The following SLC12A8 variants were observed in gnomAD, a reference collection of about 807,000 sequenced individuals.
The protein encoded by SLC12A8 is cation-chloride cotransporter 9.
In SLC12A8, 69 loss-of-function variants were observed where a neutral mutation model predicts 75.6. The ratio of observed to expected loss-of-function variants is 0.91; its 90% CI spans 0.75 to 1.11. The LOEUF (loss-of-function observed/expected upper bound fraction) is 1.11. SLC12A8 is among the 50% of genes most tolerant of loss of function. The pLI is 0.00. For synonymous variants in SLC12A8, 365 were observed against 372.8 expected (o/e 0.98, Z 0.24); for missense variants, 877 against 896.7 (o/e 0.98, Z 0.28).
intron 5 of SLC12A8, among the ~76,000 whole-genome samples, chr3:125,141,043 T>C (rs890767287): frequency 3.9e-5 from 6 of 152,184 alleles, no homozygotes; most frequent in Admixed American, 2.6e-4. Context: ...GCATGGGGCC[T>C]GCAGCTGCTG....
chr3:125,088,860 G>T (rs982799802), intron 12 of SLC12A8, among the ~76,000 whole-genome samples: 1 of 152,124 alleles, frequency 6.6e-6, no homozygotes, highest in African/African-American at 2.4e-5. Flanking sequence ...GAATCAAATA[G>T]TTCCACATGT....
rs545517725 is a variant in SLC12A8 at position 125,098,444 on chromosome 3, C to T, written c.1706-6246G>A. Among the ~76,000 whole-genome samples the T allele has an allele frequency of 4.6e-5, 7 of 152,006 alleles. No individual in the cohort carries two copies. The East Asian group carries it at 1.4e-3, about 29-fold the overall frequency. On this transcript the variant is annotated intron_variant, in intron 10 of 13. Transcript: ENST00000469902. ...CTCAAATAGACTTACTAAGTCAGGGCAATTAAACAGTTTTGTGTTTCTTGT... is the reference window on the plus strand; with the variant it reads ...CTCAAATAGACTTACTAAGTCAGGGTAATTAAACAGTTTTGTGTTTCTTGT...
At chr3:125,122,340 T>TTTG (rs1220748021) in intron 6 of SLC12A8, among the ~76,000 whole-genome samples, 1 of 152,200 alleles carries the variant, frequency 6.6e-6, no homozygotes, top group Non-Finnish European at 1.5e-5. Flanking sequence ...CTTTTAAGGT[T>TTTG]TTGTTGTTGT....
chr3:125,161,558 T>C (rs958330707), intron 5 of SLC12A8, among the ~76,000 whole-genome samples: 4 of 152,110 alleles, frequency 2.6e-5, no homozygotes, highest in Admixed American at 1.3e-4. Flanking sequence ...CTCTCAAACC[T>C]GCACAGTCGG....
At chr3:125,155,750 C>CAA (rs1159877630) in intron 5 of SLC12A8, among the ~76,000 whole-genome samples, 1,204 of 69,348 alleles carry the variant, frequency 0.017, 32 homozygotes, top group African/African-American at 0.057. Flanking sequence ...GACTCTGTCT[C>CAA]AAAAAAAAAA....
At chr3:125,088,541 C>G (rs929499941) in intron 12 of SLC12A8, among the ~76,000 whole-genome samples, 171 bp from the exon 13 acceptor site, 5 of 152,190 alleles carry the variant, frequency 3.3e-5, no homozygotes, top group African/African-American at 1.2e-4. Flanking sequence ...TCTTCCATGA[C>G]AGCAGCCTAC....
intron 6 of SLC12A8, among the ~76,000 whole-genome samples, chr3:125,125,573 TA>T (rs1201208283): frequency 6.6e-6 from 1 of 151,980 alleles, no homozygotes; most frequent in Non-Finnish European, 1.5e-5. Context: ...ACAATAAAAA[TA>T]AAAAATAAAA....
chr3:125,131,439 T>G (rs1427346763), intron 6 of SLC12A8, among the ~76,000 whole-genome samples: 1 of 152,164 alleles, frequency 6.6e-6, no homozygotes, highest in Admixed American at 6.5e-5. Flanking sequence ...CAGGCTGGAG[T>G]GCAGTGGCAC....
intron 10 of SLC12A8, among the ~76,000 whole-genome samples, chr3:125,102,903 A>G (rs1285911156): frequency 2.6e-5 from 4 of 152,184 alleles, no homozygotes; most frequent in Admixed American, 1.3e-4. Flanking sequence ...GCTGGCAGGG[A>G]GCAGCCCAGT....
chr3:125,194,509 T>C (rs1394801856), intron 2 of SLC12A8, among the ~76,000 whole-genome samples: 2 of 152,192 alleles, frequency 1.3e-5, no homozygotes, highest in Admixed American at 1.3e-4. Flanking sequence ...CTCTCAATCC[T>C]GCATCCAGCA....
At chr3:125,189,574 G>T (rs1934868035) in intron 3 of SLC12A8, among the ~76,000 whole-genome samples, 1 of 152,232 alleles carries the variant, frequency 6.6e-6, no homozygotes, top group South Asian at 2.1e-4. Flanking sequence ...CATAGGGCGG[G>T]GCGGGGAAGA....
chr3:125,106,970 A>G (rs1408193241), intron 10 of SLC12A8, among the ~76,000 whole-genome samples: 1 of 152,202 alleles, frequency 6.6e-6, no homozygotes, highest in Non-Finnish European at 1.5e-5. Context: ...AGAATTTCTC[A>G]TGCTCTATAA....
At chr3:125,155,444 T>G (rs866557495) in intron 5 of SLC12A8, among the ~76,000 whole-genome samples, 1 of 152,006 alleles carries the variant, frequency 6.6e-6, no homozygotes, top group Non-Finnish European at 1.5e-5. Context: ...GGAATTGATG[T>G]AGACATCTGA....
intron 10 of SLC12A8, among the ~76,000 whole-genome samples, chr3:125,106,416 G>A (rs185055494): frequency 6.6e-6 from 1 of 151,934 alleles, no homozygotes; most frequent in African/African-American, 2.4e-5. Context: ...AGGCTGGAGT[G>A]CAGTGTCATG....
chr3:125,110,215 G>A lies in SLC12A8; in HGVS notation c.1033C>T (p.Pro345Ser). The A allele has an allele frequency of 6.2e-7, 1 of 1,613,764 alleles. No individual in the cohort carries two copies. Among genetic ancestry groups the A allele is most frequent in the Non-Finnish European group, 8.5e-7 (1 of 1,179,766 alleles). Residue 345 changes from proline (P) to serine (S), a missense_variant, in exon 9 of 14, where the codon CCT becomes TCT. Physicochemically the swap from Pro to Ser is moderately conservative, Grantham distance 74. Coordinates refer to ENST00000469902, the MANE Select transcript of SLC12A8 (RefSeq NM_024628.6). The part of the protein sequence containing the change: ...LQCIAQEKVI[P>S]ALACLGQGKG... Reference sequence around the variant, plus strand: ...CCTTGTCCCAGACAGGCAAGTGCAGGGATCACTTTCTCCTGGGCAATGCAC... The same window carrying A: ...CCTTGTCCCAGACAGGCAAGTGCAGAGATCACTTTCTCCTGGGCAATGCAC...
At chr3:125,166,589 T>C (rs1934295845) in intron 5 of SLC12A8, among the ~76,000 whole-genome samples, 1 of 152,184 alleles carries the variant, frequency 6.6e-6, no homozygotes, top group Non-Finnish European at 1.5e-5. Context: ...AAAAAGTCTT[T>C]CCTGACTCTC....
At chr3:125,168,214 G>T (rs1470519079) in intron 5 of SLC12A8, among the ~76,000 whole-genome samples, 1 of 152,048 alleles carries the variant, frequency 6.6e-6, no homozygotes, top group Non-Finnish European at 1.5e-5. Context: ...GCTAGACAGA[G>T]AAATAAAAGT....
chr3:125,099,274 G>A lies in SLC12A8; in HGVS notation c.1706-7076C>T, dbSNP rs1279042711. ...GATATCAGCAGCCACACACCACGGG[G>A]GAGGCAGATGCCACAGTTGAAATCC... is the stretch of plus-strand genomic sequence containing the variant. On this transcript the variant is annotated intron_variant, in intron 10 of 13. Coordinates refer to ENST00000469902, the MANE Select transcript of SLC12A8 (RefSeq NM_024628.6). Among the ~76,000 whole-genome samples, 5 of 152,226 alleles carry A rather than the reference G, an allele frequency of 3.3e-5. No individual in the cohort carries two copies. In the East Asian group the frequency reaches 9.6e-4, roughly 29 times the overall value.
At chr3:125,203,782 G>T (rs1441483607) in intron 2 of SLC12A8, among the ~76,000 whole-genome samples, 1 of 152,172 alleles carries the variant, frequency 6.6e-6, no homozygotes, top group African/African-American at 2.4e-5. Context: ...AAAGGAAACA[G>T]TAGAGTGAAA....
Sources: gnomAD v4.1 joint callset for allele counts (sites outside exome capture counted in the v4.1 genomes callset) on GRCh38, gnomAD v4.1.1 for gene constraint, MANE v1.5 for transcripts, NCBI Gene and HGNC (gene_info 2026-07-23, HGNC 2026-07-21) for gene names.